Variants in CSMD1 observed in about 807,000 individuals in gnomAD.
CSMD1 encodes the protein CUB and Sushi multiple domains 1, also known as CUB and sushi domain-containing protein 1.
A neutral mutation model predicts 417.5 loss-of-function variants in CSMD1; 213 were observed. The observed-to-expected ratio is 0.51, with a 90% CI of 0.46 to 0.57. The LOEUF (loss-of-function observed/expected upper bound fraction) is 0.57, where lower values mean the gene tolerates loss of function less well. Ranked by LOEUF, CSMD1 falls within the 20% of genes least tolerant of loss-of-function variation. The pLI is 0.00. For missense variants in CSMD1, 6,923 were observed against 4,529.7 expected, an observed-to-expected ratio of 1.53 and a Z score of -15.17; for synonymous variants, 2,862 against 1,736.8, an observed-to-expected ratio of 1.65 and a Z score of -16.11.
chr8:3,240,309 A>C (rs945177723), intron 26 of CSMD1, among the ~76,000 whole-genome samples: 6 of 152,076 alleles, frequency 3.9e-5, no homozygotes, highest in Non-Finnish European at 8.8e-5. Flanking sequence ...TGGGGAAAGG[A>C]CTTAGGATCT....
chr8:4,119,873 G>A (rs1043783999), intron 3 of CSMD1, among the ~76,000 whole-genome samples: 9 of 152,332 alleles, frequency 5.9e-5, no homozygotes, highest in Admixed American at 2.0e-4. Context: ...GAAAGGGTTC[G>A]ACAAAGTACA....
intron 18 of CSMD1, among the ~76,000 whole-genome samples, chr8:3,370,356 C>T (rs902483179): frequency 6.6e-6 from 1 of 152,212 alleles, no homozygotes; most frequent in Non-Finnish European, 1.5e-5. Flanking sequence ...CGTTCATGCT[C>T]TGCAAACAAA....
chr8:4,554,143 A>G (rs200131954), intron 2 of CSMD1, among the ~76,000 whole-genome samples: 1 of 152,032 alleles, frequency 6.6e-6, no homozygotes, highest in African/African-American at 2.4e-5. Flanking sequence ...ATCGCGATTT[A>G]TTTATTTTTT....
intron 1 of CSMD1, among the ~76,000 whole-genome samples, chr8:4,761,096 C>T (rs1035986734): frequency 1.3e-5 from 2 of 151,858 alleles, no homozygotes; most frequent in Admixed American, 6.6e-5. Flanking sequence ...AATCAGACTG[C>T]AGGTAAATGT....
intron 12 of CSMD1, among the ~76,000 whole-genome samples, chr8:3,429,705 G>T (rs1202620172): frequency 6.6e-6 from 1 of 152,172 alleles, no homozygotes; most frequent in East Asian, 1.9e-4. Flanking sequence ...ATAACTTAAT[G>T]AAATGGTTAA....
intron 49 of CSMD1, among the ~76,000 whole-genome samples, chr8:3,083,646 A>ATTT (rs1814270383): frequency 6.0e-5 from 1 of 16,746 alleles, no homozygotes; most frequent in Admixed American, 1.4e-3. Context: ...ATATATATAT[A>ATTT]TATTTTTTTT....
At chr8:4,005,461 G>A (rs1402876598) in intron 4 of CSMD1, among the ~76,000 whole-genome samples, 2 of 152,136 alleles carry the variant, frequency 1.3e-5, no homozygotes, top group African/African-American at 4.8e-5. Flanking sequence ...TCTCAACATG[G>A]TGGCCGACAT....
intron 8 of CSMD1, among the ~76,000 whole-genome samples, chr8:3,611,453 G>C (rs911425114): frequency 6.6e-6 from 1 of 152,044 alleles, no homozygotes; most frequent in Non-Finnish European, 1.5e-5. Flanking sequence ...AAGAACGATA[G>C]ACCAACTATC....
At chr8:3,863,683 T>C (rs1404036654) in intron 5 of CSMD1, among the ~76,000 whole-genome samples, 1 of 152,180 alleles carries the variant, frequency 6.6e-6, no homozygotes, top group Non-Finnish European at 1.5e-5. Context: ...TTCTCATATA[T>C]GCTCAGTGAA....
At chr8:3,590,794 AG>A (rs1260250932) in intron 8 of CSMD1, among the ~76,000 whole-genome samples, 11 of 152,166 alleles carry the variant, frequency 7.2e-5, no homozygotes, top group Non-Finnish European at 1.5e-4. Flanking sequence ...AATCAAGTTG[AG>A]GCAGAAACTA....
chr8:3,954,426 T>C (rs1473988587), intron 5 of CSMD1, among the ~76,000 whole-genome samples: 2 of 152,004 alleles, frequency 1.3e-5, no homozygotes, highest in African/African-American at 2.4e-5. Flanking sequence ...GCAGTGGCGG[T>C]GGTGATCTCA....
intron 50 of CSMD1, among the ~76,000 whole-genome samples, chr8:3,033,680 C>T (rs778637578): frequency 2.7e-5 from 4 of 150,152 alleles, no homozygotes; most frequent in South Asian, 4.2e-4. Context: ...GACAGGTTGA[C>T]GGGTGCAGCA....
intron 1 of CSMD1, among the ~76,000 whole-genome samples, chr8:4,873,517 C>G (rs1483572197): frequency 2.0e-5 from 3 of 152,066 alleles, no homozygotes; most frequent in Non-Finnish European, 4.4e-5. Flanking sequence ...AATGCTTCAA[C>G]TTGTGTGTAG....
At chr8:3,735,602 A>C (rs930941522) in intron 6 of CSMD1, among the ~76,000 whole-genome samples, 13 of 152,158 alleles carry the variant, frequency 8.5e-5, no homozygotes, top group African/African-American at 3.1e-4. Flanking sequence ...TTCACTACTC[A>C]TTTAACTCTC....
intron 2 of CSMD1, among the ~76,000 whole-genome samples, chr8:4,479,779 T>G (rs1052638687): frequency 1.3e-5 from 2 of 151,762 alleles, no homozygotes; most frequent in East Asian, 3.9e-4. Flanking sequence ...CTACTGAGAA[T>G]TAGAGAAACC....
At chr8:3,255,579 C>T (rs1414944393) in intron 26 of CSMD1, among the ~76,000 whole-genome samples, 1 of 152,210 alleles carries the variant, frequency 6.6e-6, no homozygotes, top group Non-Finnish European at 1.5e-5. Context: ...GGACGCCCCT[C>T]TCCCAGCCTT....
intron 4 of CSMD1, among the ~76,000 whole-genome samples, 196 bp from the exon 5 acceptor site, chr8:3,998,306 A>G (rs532076755): frequency 4.6e-5 from 7 of 152,328 alleles, no homozygotes; most frequent in South Asian, 4.2e-4. Flanking sequence ...CATTTAAATT[A>G]TCTTATTAAT....
chr8:3,862,743 A>T (rs954307342), intron 5 of CSMD1, among the ~76,000 whole-genome samples: 18 of 152,128 alleles, frequency 1.2e-4, no homozygotes, highest in African/African-American at 4.1e-4. Flanking sequence ...AGGAGAAATG[A>T]TTATGTTTGT....
chr8:4,248,869 T>C (rs1313939086), intron 3 of CSMD1, among the ~76,000 whole-genome samples: 2 of 151,178 alleles, frequency 1.3e-5, no homozygotes, highest in Admixed American at 6.6e-5. Flanking sequence ...CAAAAGTCAC[T>C]CAACAGTTTT....
Sources: allele counts gnomAD v4.1 joint callset (sites outside exome capture counted in the v4.1 genomes callset), GRCh38; gene constraint gnomAD v4.1.1; transcripts MANE v1.5; gene names NCBI Gene and HGNC (gene_info 2026-07-23, HGNC 2026-07-21).